AGAP5: variants seen among roughly 807,000 people sequenced by gnomAD.
The protein encoded by AGAP5 is ArfGAP with GTPase domain, ankyrin repeat and PH domain 5.
Under a neutral mutation model 27.7 loss-of-function variants are expected in AGAP5, and 8 were observed. The ratio of observed to expected loss-of-function variants is 0.29; its 90% confidence interval spans 0.17 to 0.52. The LOEUF (loss-of-function observed/expected upper bound fraction) is 0.52. AGAP5 is among the 20% of genes least tolerant of loss of function. The pLI, the probability that AGAP5 is intolerant of heterozygous loss-of-function variation, is 0.97. For missense variants in AGAP5, 285 were observed against 880.8 expected, an observed-to-expected ratio of 0.32 and a Z score of 8.56; for synonymous variants, 111 against 338.0, an observed-to-expected ratio of 0.33 and a Z score of 7.37.
intron 4 of AGAP5, among the ~76,000 whole-genome samples, chr10:73,689,349 T>G (rs1315603423): frequency 1.3e-5 from 2 of 152,178 alleles, no homozygotes; most frequent in African/African-American, 4.8e-5. Context: ...ACCTCCACCT[T>G]CCAGCAGCCT....
intron 1 of AGAP5, 35 bp from the exon 2 acceptor site, chr10:73,697,198 A>T (rs577101815): frequency 9.6e-5 from 152 of 1,590,494 alleles, no homozygotes; most frequent in Non-Finnish European, 8.7e-5. Flanking sequence ...AAAAAGATGT[A>T]ATCATTTATA....
intron 3 of AGAP5, among the ~76,000 whole-genome samples, chr10:73,692,633 A>ATTTTTTTT (rs71021562): frequency 1.3e-5 from 1 of 77,008 alleles, no homozygotes; most frequent in Non-Finnish European, 2.6e-5. Context: ...CCTATCTTAA[A>ATTTTTTTT]TTTTTTTTTT....
chr10:73,697,591 G>A lies in AGAP5; in HGVS notation c.165C>T (p.Thr55=), dbSNP rs747817207. ...TGTGGAGGTCCTCACCAACTTCAAC[G>A]GTCACCTCAGCAGGCTGCACAGCAG... The part of the protein sequence containing the change: ...MAAAVQPAEV[T]VEVGEDLHMH... The change falls in exon 1 of 8, where the codon ACC becomes ACT. Residue 55 remains threonine (T), a synonymous_variant. Transcript: ENST00000374094. 195 of 1,611,776 alleles carry A rather than the reference G, an allele frequency of 1.2e-4. No homozygotes were observed. Among genetic ancestry groups the A allele is most frequent in the Non-Finnish European group, 1.4e-4 (167 of 1,179,880 alleles).
intron 4 of AGAP5, among the ~76,000 whole-genome samples, chr10:73,687,826 A>G (rs1258387549): frequency 3.9e-5 from 6 of 152,198 alleles, no homozygotes; most frequent in Non-Finnish European, 1.5e-5. Flanking sequence ...CAGAAGGTTG[A>G]CAGAGATAAT....
intron 3 of AGAP5, 136 bp downstream of exon 3, chr10:73,694,600 T>A (rs2132461919): frequency 6.7e-7 from 1 of 1,493,518 alleles, no homozygotes; most frequent in African/African-American, 1.4e-5. Flanking sequence ...GTATATCACA[T>A]ATTAAAATAA....
chr10:73,686,852 A>G (rs2082068461), intron 4 of AGAP5, among the ~76,000 whole-genome samples: 1 of 152,232 alleles, frequency 6.6e-6, no homozygotes, highest in Non-Finnish European at 1.5e-5. Context: ...AAGTAAGACT[A>G]TTATTCTAAG....
intron 5 of AGAP5, chr10:73,681,445 A>G (rs2082024194): frequency 1.0e-6 from 1 of 985,352 alleles, no homozygotes; most frequent in Admixed American, 6.1e-5. Context: ...CACCTATCCC[A>G]CTGACAACAG....
chr10:73,694,798 T>C lies in AGAP5; in HGVS notation c.299A>G (p.Glu100Gly), dbSNP rs2082147567. The C allele has an allele frequency of 6.3e-7, 1 of 1,598,022 alleles. No individual in the cohort carries two copies. The highest frequency in any genetic ancestry group is 1.3e-5 in the African/African-American group (1 of 74,752). The change falls in exon 3 of 8, where the codon GAG (glutamate) becomes GGG (glycine). Residue 100 changes from glutamate (E) to glycine (G), a missense_variant. Glu to Gly is a moderately conservative substitution (Grantham distance 98, BLOSUM62 -2). Transcript: ENST00000374094. ...FQRNSQTDAL[E>G]FNPSANPEAS... ...CTCTGGATTGGCAGAAGGGTTAAAC[T>C]CCAAAGCTATATGCATAGAGGAAGA...
chr10:73,676,497 GA>G (rs1386578001), intron 7 of AGAP5, among the ~76,000 whole-genome samples: 4 of 148,296 alleles, frequency 2.7e-5, no homozygotes, highest in Non-Finnish European at 6.0e-5. Flanking sequence ...AAAAAAAAAA[GA>G]TACATTTTCT....
At position 73,697,570 on chromosome 10, in the gene AGAP5, G is replaced by A. The variant is rs1311680147; in HGVS notation, c.186C>T (p.Leu62=). The A allele has an allele frequency of 1.9e-6, 3 of 1,612,866 alleles. No homozygotes were observed. In the South Asian group the frequency reaches 3.3e-5, roughly 18 times the overall value. ...CCTGGTCACGAATGTGGTGCATGTG[G>A]AGGTCCTCACCAACTTCAACGGTCA... is the stretch of plus-strand genomic sequence containing the variant. ...AEVTVEVGED[L]HMHHIRDQEM... Residue 62 remains leucine (L), a synonymous_variant, in exon 1 of 8, where the codon CTC becomes CTT. Coordinates refer to ENST00000374094, the MANE Select transcript of AGAP5 (RefSeq NM_001144000.4).
At position 73,678,215 on chromosome 10, in the gene AGAP5, G is replaced by A. The variant is rs540855401; in HGVS notation, c.534-1445C>T. 7.9e-5 allele frequency among the ~76,000 whole-genome samples: 12 copies of A among 152,316 alleles called. No individual in the cohort carries two copies. The East Asian group carries it at 1.9e-3, about 24-fold the overall frequency. ...TCGGGACCAGCCTAGGCAACGTAAC[G>A]AAACTGTGTCTCTATCAAACATATA... On this transcript the variant is annotated intron_variant, in intron 6 of 7. Transcript: ENST00000374094.
At chr10:73,688,993 C>T (rs1032642171) in intron 4 of AGAP5, among the ~76,000 whole-genome samples, 173 of 151,976 alleles carry the variant, frequency 1.1e-3, no homozygotes, top group African/African-American at 3.9e-3. Context: ...CTGCCGCCTC[C>T]GCCTCCGCCT....
chr10:73,677,465 A>G (rs1435224023), intron 6 of AGAP5, among the ~76,000 whole-genome samples: 1 of 97,564 alleles, frequency 1.0e-5, no homozygotes, highest in African/African-American at 4.1e-5. Context: ...GGCTCATGGC[A>G]ACCTTCGCCT....
chr10:73,689,707 C>G (rs1354176339), intron 4 of AGAP5, among the ~76,000 whole-genome samples: 1 of 151,428 alleles, frequency 6.6e-6, no homozygotes, highest in East Asian at 1.9e-4. Flanking sequence ...AGACCCTCTG[C>G]CTGGCAACCG....
Position 73,694,576 on chromosome 10 carries a change from A to G in AGAP5, c.361+160T>C, listed in dbSNP as rs535036270. 2.5e-3 allele frequency among the ~76,000 whole-genome samples: 375 copies of G among 152,374 alleles called. 3 individuals are homozygous for G. The highest frequency in any genetic ancestry group is 8.7e-3 in the African/African-American group (362 of 41,596). ...GTTACACGTTTTCACTAACATCATA[A>G]CAACTAAAGGAAAGTATATCACATA... On this transcript the variant is annotated intron_variant, in intron 3 of 7. Transcript: ENST00000374094.
rs182714200 is a variant in AGAP5, at chr10:73,685,709, C to T, written c.397-2915G>A. On this transcript the variant is annotated intron_variant, in intron 4 of 7. Coordinates refer to ENST00000374094, the MANE Select transcript of AGAP5 (RefSeq NM_001144000.4). ...ATGGGATTACAGGTGAGCACCACCA[C>T]GCCCGGCTAACTTTTGTATTTTTAG... 2.7e-3 allele frequency among the ~76,000 whole-genome samples: 409 copies of T among 152,088 alleles called. 1 individual carries two copies. The highest frequency in any genetic ancestry group is 4.1e-3 in the Non-Finnish European group (280 of 67,990).
In AGAP5 at chr10:73,698,016, T is replaced by C. The variant is rs576342038; in HGVS notation, c.-261A>G. On this transcript the variant is annotated 5_prime_UTR_variant, in exon 1 of 8. Coordinates refer to ENST00000374094, the MANE Select transcript of AGAP5 (RefSeq NM_001144000.4). Reference sequence around the variant, plus strand: ...GGTGAAGACCAGCTGGCTTATTTAATAGGTTGTGAACCCAACAAGCGCTGA... The same window carrying C: ...GGTGAAGACCAGCTGGCTTATTTAACAGGTTGTGAACCCAACAAGCGCTGA... The C allele has an allele frequency of 4.8e-5, 69 of 1,439,244 alleles. No homozygotes were observed. The East Asian group carries it at 1.7e-3, about 36-fold the overall frequency. The allele number at this position is 1,439,244 out of a possible 1,614,324, so 89.2% of individuals were successfully genotyped here.
intron 4 of AGAP5, among the ~76,000 whole-genome samples, chr10:73,691,416 A>G (rs2082117672): frequency 6.6e-6 from 1 of 152,134 alleles, no homozygotes; most frequent in South Asian, 2.1e-4. Flanking sequence ...TAGAAAGTCA[A>G]TAGACAGTGC....
chr10:73,694,851 A>T, intron 2 of AGAP5, 47 bp from the exon 3 acceptor site: 1 of 1,597,224 alleles, frequency 6.3e-7, no homozygotes, highest in Non-Finnish European at 8.5e-7. Context: ...ATCATTGATA[A>T]AAATTTATCA....
Sources: allele counts gnomAD v4.1 joint callset (sites outside exome capture counted in the v4.1 genomes callset), GRCh38; gene constraint gnomAD v4.1.1; transcripts MANE v1.5; gene names NCBI Gene and HGNC (gene_info 2026-07-23, HGNC 2026-07-21).